The following ZNF423 variants were observed in gnomAD, a reference collection of about 807,000 sequenced individuals.
The protein encoded by ZNF423 is Ebf-associated zinc finger protein.
A neutral mutation model predicts 95.8 loss-of-function variants in ZNF423; 12 were observed. That is an observed-to-expected ratio of 0.13 (90% CI 0.08 to 0.20). The LOEUF is 0.20. Ranked by LOEUF, ZNF423 falls within the 10% of genes least tolerant of loss-of-function variation. The pLI is 1.00. For missense variants in ZNF423, 1,316 were observed against 1,737.1 expected (o/e 0.76, Z 4.31); for synonymous variants, 749 against 711.9 (o/e 1.05, Z -0.83).
chr16:49,561,592 T>C (rs1405941582), intron 5 of ZNF423, among the ~76,000 whole-genome samples: 10 of 152,222 alleles, frequency 6.6e-5, no homozygotes, highest in Non-Finnish European at 1.3e-4. Flanking sequence ...TTCCAAAATA[T>C]AAAAGCAATC....
chr16:49,658,757 G>T (rs8059866), intron 3 of ZNF423, among the ~76,000 whole-genome samples: 1 of 152,210 alleles, frequency 6.6e-6, no homozygotes, highest in African/African-American at 2.4e-5. Flanking sequence ...ACTGGATTCC[G>T]GAGTGTGGGG....
chr16:49,541,768 A>G (rs1228224629), intron 5 of ZNF423, among the ~76,000 whole-genome samples: 1 of 152,020 alleles, frequency 6.6e-6, no homozygotes, highest in Non-Finnish European at 1.5e-5. Flanking sequence ...ACGAGATCTG[A>G]TGGTTTTATA....
chr16:49,812,868 C>T (rs1365716951), intron 1 of ZNF423, among the ~76,000 whole-genome samples: 1 of 152,078 alleles, frequency 6.6e-6, no homozygotes, highest in Non-Finnish European at 1.5e-5. Flanking sequence ...TGCCCTGGAA[C>T]CAGACACAAG....
chr16:49,827,796 C>CT (rs200920688), intron 1 of ZNF423, among the ~76,000 whole-genome samples: 15 of 151,122 alleles, frequency 9.9e-5, no homozygotes, highest in Admixed American at 2.0e-4. Flanking sequence ...GTTATGTTGC[C>CT]TTTTTTTTTC....
intron 3 of ZNF423, among the ~76,000 whole-genome samples, chr16:49,642,801 CTTTTTTTTT>C (rs55662710): frequency 1.2e-3 from 112 of 91,566 alleles, no homozygotes; most frequent in African/African-American, 4.5e-3. Flanking sequence ...GTTCTCTTTT[CTTTTTTTTT>C]TTTTTTTTTT....
rs7191767 is a variant in ZNF423 at position 49,489,829 on chromosome 16, A to G, written c.*1446T>C. The G allele has an allele frequency of 0.11, 16,670 of 152,570 alleles. 993 individuals are homozygous for G. The highest frequency in any genetic ancestry group is 0.24 in the Middle Eastern group (75 of 310). The allele number at this position is 152,570 out of a possible 1,614,324, so 9.5% of individuals were successfully genotyped here. A position where few individuals can be genotyped will look rare whatever the true frequency, so the allele number is the denominator to read the frequency against. ...ATTGGCAAGTCAGCTGAGCACCAGC[A>G]TGATGGAGGTGTGGGAGGTAACATG... On this transcript the variant is annotated 3_prime_UTR_variant, in exon 8 of 8. Coordinates refer to ENST00000563137, the MANE Select transcript of ZNF423 (RefSeq NM_001379286.1).
At chr16:49,805,536 T>C (rs183756916) in intron 1 of ZNF423, among the ~76,000 whole-genome samples, 2 of 152,284 alleles carry the variant, frequency 1.3e-5, no homozygotes, top group African/African-American at 4.8e-5. Flanking sequence ...CTCGGCCCCT[T>C]CAAAACAAAC....
At chr16:49,561,715 T>A (rs1970022446) in intron 5 of ZNF423, among the ~76,000 whole-genome samples, 1 of 152,242 alleles carries the variant, frequency 6.6e-6, no homozygotes, top group Non-Finnish European at 1.5e-5. Flanking sequence ...ATTTCTCACT[T>A]CAGGTGCATT....
chr16:49,844,416 G>A (rs1245303933), intron 1 of ZNF423, among the ~76,000 whole-genome samples: 1 of 152,124 alleles, frequency 6.6e-6, no homozygotes, highest in Non-Finnish European at 1.5e-5. Flanking sequence ...CAATCTCACA[G>A]CACAATGTAC....
chr16:49,817,003 T>A (rs941997758), intron 1 of ZNF423, among the ~76,000 whole-genome samples: 4 of 152,204 alleles, frequency 2.6e-5, no homozygotes, highest in Non-Finnish European at 5.9e-5. Context: ...AAAGCATGTG[T>A]CTATTTTAGA....
chr16:49,524,535 T>C (rs1017224666), intron 6 of ZNF423, among the ~76,000 whole-genome samples: 2 of 152,080 alleles, frequency 1.3e-5, no homozygotes, highest in Non-Finnish European at 2.9e-5. Context: ...TTTGGGGGAT[T>C]TGCCCCAGAG....
intron 3 of ZNF423, among the ~76,000 whole-genome samples, chr16:49,678,076 G>A (rs550668585): frequency 9.9e-5 from 15 of 151,980 alleles, no homozygotes; most frequent in East Asian, 3.9e-4. Flanking sequence ...CCAGCTACTC[G>A]GGACTCTGAG....
At chr16:49,832,737 C>T (rs1025660310) in intron 1 of ZNF423, among the ~76,000 whole-genome samples, 1 of 152,028 alleles carries the variant, frequency 6.6e-6, no homozygotes, top group East Asian at 1.9e-4. Context: ...CAGGCAGGGA[C>T]ATCAATGAGT....
intron 1 of ZNF423, among the ~76,000 whole-genome samples, chr16:49,819,249 CAAAA>C (rs34167954): frequency 4.1e-5 from 3 of 72,724 alleles, no homozygotes; most frequent in Admixed American, 1.9e-4. Context: ...GATTCCGTCT[CAAAA>C]AAAAAAAAAA....
intron 5 of ZNF423, among the ~76,000 whole-genome samples, chr16:49,590,525 A>AC (rs1304241952): frequency 6.6e-6 from 1 of 152,144 alleles, no homozygotes; most frequent in Non-Finnish European, 1.5e-5. Flanking sequence ...ACTCATTATC[A>AC]CCCAGGGCCA....
intron 1 of ZNF423, among the ~76,000 whole-genome samples, chr16:49,846,357 C>T (rs1311067228): frequency 6.6e-6 from 1 of 151,262 alleles, no homozygotes; most frequent in Non-Finnish European, 1.5e-5. Context: ...GAGCGCCCTG[C>T]GAGTGAAAGT....
chr16:49,563,091 G>A (rs1970070504), intron 5 of ZNF423, among the ~76,000 whole-genome samples: 1 of 152,144 alleles, frequency 6.6e-6, no homozygotes, highest in Admixed American at 6.5e-5. Flanking sequence ...ACAGCCAGCT[G>A]TACGCATTTT....
intron 6 of ZNF423, among the ~76,000 whole-genome samples, chr16:49,525,153 G>C (rs1489421522): frequency 2.0e-5 from 3 of 152,194 alleles, no homozygotes. Flanking sequence ...GGAGAGGCCA[G>C]AGAGCACTGA....
chr16:49,806,677 A>G (rs974019052), intron 1 of ZNF423, among the ~76,000 whole-genome samples: 3 of 151,212 alleles, frequency 2.0e-5, no homozygotes, highest in African/African-American at 7.3e-5. Context: ...TCACCCATCC[A>G]TCTCTCTTTT....
Sources: allele counts gnomAD v4.1 joint callset (sites outside exome capture counted in the v4.1 genomes callset), GRCh38; gene constraint gnomAD v4.1.1; transcripts MANE v1.5; gene names NCBI Gene and HGNC (gene_info 2026-07-23, HGNC 2026-07-21).